Variants in TMTC2 observed in about 807,000 individuals in gnomAD.
TMTC2 encodes protein O-mannosyl-transferase TMTC2.
Under a neutral mutation model 82.4 loss-of-function variants are expected in TMTC2, and 43 were observed. The ratio of observed to expected loss-of-function variants is 0.52; its 90% confidence interval spans 0.41 to 0.67. TMTC2 has a LOEUF of 0.67. TMTC2 is among the 30% of genes least tolerant of loss of function. TMTC2 has a pLI of 0.00. For missense variants in TMTC2, 919 were observed against 1,012.4 expected, an observed-to-expected ratio of 0.91 and a Z score of 1.25; for synonymous variants, 408 against 381.9, an observed-to-expected ratio of 1.07 and a Z score of -0.80.
chr12:83,112,433 G>A (rs1383909613), intron 11 of TMTC2, among the ~76,000 whole-genome samples: 2 of 152,104 alleles, frequency 1.3e-5, no homozygotes, highest in East Asian at 1.9e-4. Flanking sequence ...AACCAAAGAA[G>A]TTAACAAAGT....
chr12:82,973,859 A>G (rs1473304555), intron 7 of TMTC2, among the ~76,000 whole-genome samples: 2 of 152,314 alleles, frequency 1.3e-5, no homozygotes, highest in East Asian at 3.9e-4. Flanking sequence ...AGGATATGAG[A>G]CAGTTGATTA....
chr12:83,069,063 A>G lies in TMTC2; in HGVS notation c.2331+7232A>G, dbSNP rs527644714. The stretch of plus-strand genomic sequence containing the variant: ...TCATTTGTTTTTATGGCTGTGTAGT[A>G]TTCCATCATATACATATACCACAGT... On this transcript the variant is annotated intron_variant, in intron 11 of 11. Transcript: ENST00000321196. Among the ~76,000 whole-genome samples, 9 of 152,306 alleles carry G rather than the reference A, an allele frequency of 5.9e-5. No individual in the cohort carries two copies. The South Asian group carries it at 1.9e-3, about 32-fold the overall frequency.
chr12:82,810,728 G>A (rs908341158), intron 1 of TMTC2, among the ~76,000 whole-genome samples: 1 of 152,104 alleles, frequency 6.6e-6, no homozygotes. Context: ...CCAGATGGAG[G>A]TAATTGAATC....
intron 2 of TMTC2, among the ~76,000 whole-genome samples, chr12:82,870,548 C>T (rs147118547): frequency 8.8e-4 from 134 of 152,308 alleles, no homozygotes; most frequent in Middle Eastern, 3.4e-3. Context: ...TCTTTCAATT[C>T]TACACAGCAC....
intron 4 of TMTC2, among the ~76,000 whole-genome samples, chr12:82,949,132 G>T (rs1877205666): frequency 6.6e-6 from 1 of 152,182 alleles, no homozygotes. Context: ...TCCAGCGTAG[G>T]AGTTCCTCTG....
At chr12:83,065,547 A>G (rs1882888565) in intron 11 of TMTC2, among the ~76,000 whole-genome samples, 2 of 151,946 alleles carry the variant, frequency 1.3e-5, no homozygotes, top group South Asian at 2.1e-4. Context: ...TGATTGTCCT[A>G]AAATTAAACC....
At chr12:82,931,843 AGTT>A (rs1215522309) in intron 4 of TMTC2, among the ~76,000 whole-genome samples, 2 of 152,152 alleles carry the variant, frequency 1.3e-5, no homozygotes, top group Admixed American at 1.3e-4. Flanking sequence ...TCCCGGAAAA[AGTT>A]GTTGGACTGA....
At chr12:82,762,850 G>A (rs1478435959) in intron 1 of TMTC2, among the ~76,000 whole-genome samples, 2 of 151,756 alleles carry the variant, frequency 1.3e-5, no homozygotes, top group Non-Finnish European at 2.9e-5. Context: ...GTAGATATTA[G>A]TGGAACAAAA....
At chr12:82,965,199 G>T in intron 5 of TMTC2, 90 bp downstream of exon 5, 1 of 965,556 alleles carries the variant, frequency 1.0e-6, no homozygotes, top group Non-Finnish European at 1.6e-6. Context: ...AAAACACTTG[G>T]TGCTCTTATT....
At chr12:82,896,684 C>T (rs1873707560) in intron 3 of TMTC2, 38 bp downstream of exon 3, 2 of 1,486,670 alleles carry the variant, frequency 1.3e-6, no homozygotes, top group South Asian at 1.3e-5. Flanking sequence ...GGATAGTTTA[C>T]ACTTTCAGCC....
intron 11 of TMTC2, among the ~76,000 whole-genome samples, chr12:83,111,835 T>C (rs1441721870): frequency 1.3e-5 from 2 of 152,216 alleles, no homozygotes; most frequent in Non-Finnish European, 2.9e-5. Flanking sequence ...ATACTCTGTT[T>C]TATTTAAAAA....
chr12:82,771,168 C>T (rs1269778155), intron 1 of TMTC2, among the ~76,000 whole-genome samples: 1 of 149,146 alleles, frequency 6.7e-6, no homozygotes, highest in Non-Finnish European at 1.5e-5. Context: ...GATCACGCCA[C>T]TGCACTTCAG....
intron 2 of TMTC2, among the ~76,000 whole-genome samples, chr12:82,866,263 A>C (rs899359936): frequency 2.9e-4 from 44 of 151,074 alleles, no homozygotes; most frequent in African/African-American, 9.4e-4. Flanking sequence ...AAAAAAAAAA[A>C]CAAAAAACTT....
intron 1 of TMTC2, among the ~76,000 whole-genome samples, chr12:82,747,078 G>A (rs1363858883): frequency 6.6e-6 from 1 of 152,226 alleles, no homozygotes; most frequent in Non-Finnish European, 1.5e-5. Context: ...TTATTGCTGA[G>A]TTTCTGACCT....
intron 10 of TMTC2, among the ~76,000 whole-genome samples, chr12:83,060,740 C>T (rs187766494): frequency 4.6e-5 from 7 of 151,738 alleles, no homozygotes; most frequent in Admixed American, 1.3e-4. Flanking sequence ...TGAAGCAGCA[C>T]GATATGATCA....
At chr12:83,013,016 G>T (rs975933301) in intron 8 of TMTC2, among the ~76,000 whole-genome samples, 5 of 152,104 alleles carry the variant, frequency 3.3e-5, no homozygotes, top group Non-Finnish European at 7.4e-5. Flanking sequence ...CACTGAAAAA[G>T]ATTATAGAAG....
At chr12:83,100,075 A>G (rs1884165138) in intron 11 of TMTC2, among the ~76,000 whole-genome samples, 1 of 151,886 alleles carries the variant, frequency 6.6e-6, no homozygotes, top group Admixed American at 6.6e-5. Flanking sequence ...GCCCGCCACC[A>G]TGCTTGGCTA....
At chr12:82,984,386 G>A (rs371462195) in intron 7 of TMTC2, among the ~76,000 whole-genome samples, 8 of 152,070 alleles carry the variant, frequency 5.3e-5, no homozygotes, top group South Asian at 2.1e-4. Flanking sequence ...AAAGCAAAGG[G>A]CATTCAAAAG....
rs535863509 is a variant in TMTC2 at position 82,882,144 on chromosome 12, C to A, written c.655-13674C>A. On this transcript the variant is annotated intron_variant, in intron 2 of 11. Transcript: ENST00000321196. The stretch of plus-strand genomic sequence containing the variant: ...CCTCCCAAGTAGCTGGGACTACAGG[C>A]GCCCGCCACTACGCCCAGCTAATTT... 7.8e-3 allele frequency among the ~76,000 whole-genome samples: 1,165 copies of A among 148,660 alleles called. 20 individuals are homozygous for A. Among genetic ancestry groups the A allele is most frequent in the Admixed American group, 0.032 (480 of 15,128 alleles).
Sources: gnomAD v4.1 joint callset for allele counts (sites outside exome capture counted in the v4.1 genomes callset) on GRCh38, gnomAD v4.1.1 for gene constraint, MANE v1.5 for transcripts, NCBI Gene and HGNC (gene_info 2026-07-23, HGNC 2026-07-21) for gene names.